RYR3: variants seen among roughly 807,000 people sequenced by gnomAD.
RYR3 encodes the protein brain ryanodine receptor-calcium release channel.
RYR3 carries 207 observed loss-of-function variants against 584.3 expected under a neutral mutation model. The ratio of observed to expected loss-of-function variants is 0.35; its 90% CI spans 0.32 to 0.40. The LOEUF (loss-of-function observed/expected upper bound fraction) is 0.40, where lower values mean the gene tolerates loss of function less well. Ranked by LOEUF, RYR3 falls within the 10% of genes least tolerant of loss-of-function variation. RYR3 has a pLI of 1.00. For missense variants in RYR3, 5,616 were observed against 6,089.2 expected, an observed-to-expected ratio of 0.92 and a Z score of 2.59; for synonymous variants, 2,416 against 2,248.5, an observed-to-expected ratio of 1.07 and a Z score of -2.11.
chr15:33,373,149 T>C (rs2040468234), intron 1 of RYR3, among the ~76,000 whole-genome samples: 1 of 152,228 alleles, frequency 6.6e-6, no homozygotes, highest in Admixed American at 6.5e-5. Context: ...CTTCTTCCTA[T>C]TCTCATTTGA....
intron 5 of RYR3, among the ~76,000 whole-genome samples, chr15:33,536,647 C>T (rs2055354222): frequency 2.3e-5 from 1 of 43,366 alleles, no homozygotes; most frequent in Non-Finnish European, 4.4e-5. Flanking sequence ...TCTCAGAGAA[C>T]ATTAAAGATG....
At chr15:33,841,766 C>T (rs565942693) in intron 90 of RYR3, 98 bp from the exon 91 acceptor site, 55 of 1,236,568 alleles carry the variant, frequency 4.4e-5, no homozygotes, top group African/African-American at 1.1e-4. Context: ...TTCTACCTCC[C>T]GGCCCTCTCA....
intron 64 of RYR3, among the ~76,000 whole-genome samples, chr15:33,778,133 G>A (rs1406436921): frequency 1.3e-5 from 2 of 151,724 alleles, no homozygotes; most frequent in African/African-American, 4.8e-5. Context: ...TCGCACCACT[G>A]TACTCCAGCC....
chr15:33,418,482 T>C (rs2043989599), intron 1 of RYR3, among the ~76,000 whole-genome samples: 1 of 151,676 alleles, frequency 6.6e-6, no homozygotes, highest in South Asian at 2.1e-4. Context: ...GGGAAGATGG[T>C]GAGAAATGGA....
At chr15:33,601,653 A>G (rs1249211821) in intron 17 of RYR3, 101 bp downstream of exon 17, 9 of 1,281,028 alleles carry the variant, frequency 7.0e-6, no homozygotes, top group African/African-American at 1.5e-5. Context: ...TTGCCCACCC[A>G]TTGTTTCCAT....
chr15:33,562,733 C>A, intron 10 of RYR3, 104 bp from the exon 11 acceptor site: 1 of 748,454 alleles, frequency 1.3e-6, no homozygotes, highest in South Asian at 1.8e-5. Flanking sequence ...TTTTGGTAAC[C>A]AGTTGCCTGG....
chr15:33,789,322 T>C (rs974342968), intron 67 of RYR3, among the ~76,000 whole-genome samples: 1 of 151,832 alleles, frequency 6.6e-6, no homozygotes, highest in Non-Finnish European at 1.5e-5. Context: ...TCTGATTCAC[T>C]CTTTGAGCAC....
intron 65 of RYR3, among the ~76,000 whole-genome samples, chr15:33,783,364 A>G (rs1333937844): frequency 5.9e-5 from 9 of 152,258 alleles, no homozygotes; most frequent in Non-Finnish European, 1.3e-4. Flanking sequence ...TGATTCTAAG[A>G]GGACACAGCT....
In RYR3 at chr15:33,826,695, G is replaced by A. The variant is rs763084437; in HGVS notation, c.11188G>A (p.Glu3730Lys). 1.4e-5 allele frequency: 22 copies of A among 1,613,814 alleles called. No homozygotes were observed. The highest frequency in any genetic ancestry group is 3.3e-4 in the Middle Eastern group (2 of 6,084). Residue 3730 changes from glutamate (E) to lysine (K), a missense_variant, in exon 84 of 104, where the codon GAG becomes AAG. Physicochemically the swap from Glu to Lys is moderately conservative, Grantham distance 56. Transcript: ENST00000634891. Reference sequence around the variant, plus strand: ...AGGTGAAAAAGTACTCCAGAATGACGAGTTCACGCGTGATCTCTTTAGATT... The same window carrying A: ...AGGTGAAAAAGTACTCCAGAATGACAAGTTCACGCGTGATCTCTTTAGATT... ...ERGEKVLQND[E>K]FTRDLFRFLQ...
intron 2 of RYR3, among the ~76,000 whole-genome samples, chr15:33,498,108 T>A (rs1459406117): frequency 2.6e-5 from 4 of 152,200 alleles, no homozygotes; most frequent in Admixed American, 1.3e-4. Flanking sequence ...TTTATCCATT[T>A]ATTTGTTGAT....
intron 42 of RYR3, among the ~76,000 whole-genome samples, chr15:33,706,164 GTTCT>G (rs929584786): frequency 1.3e-5 from 2 of 151,950 alleles, no homozygotes; most frequent in Middle Eastern, 3.2e-3. Context: ...AACTTGAGCA[GTTCT>G]TTCTTTGTTT....
intron 12 of RYR3, among the ~76,000 whole-genome samples, chr15:33,570,759 G>T (rs906285520): frequency 2.0e-5 from 3 of 151,958 alleles, no homozygotes; most frequent in Non-Finnish European, 2.9e-5. Flanking sequence ...AGATATTGTG[G>T]TTTTTATTAT....
At chr15:33,339,117 A>G (rs1242984477) in intron 1 of RYR3, among the ~76,000 whole-genome samples, 3 of 152,216 alleles carry the variant, frequency 2.0e-5, no homozygotes, top group African/African-American at 7.2e-5. Context: ...ACACAAAGGA[A>G]AAAGCGGACA....
intron 12 of RYR3, among the ~76,000 whole-genome samples, chr15:33,568,983 A>G (rs2057868957): frequency 1.3e-5 from 2 of 152,132 alleles, no homozygotes; most frequent in East Asian, 1.9e-4. Flanking sequence ...AAGTTTATTC[A>G]TTTGTTTCCT....
At chr15:33,377,374 G>T (rs542117167) in intron 1 of RYR3, among the ~76,000 whole-genome samples, 1 of 152,268 alleles carries the variant, frequency 6.6e-6, no homozygotes, top group South Asian at 2.1e-4. Context: ...ACATGGATGG[G>T]GAAGAAGACA....
At chr15:33,746,870 G>A (rs1449878888) in intron 53 of RYR3, among the ~76,000 whole-genome samples, 1 of 146,042 alleles carries the variant, frequency 6.8e-6, no homozygotes, top group Admixed American at 6.9e-5. Flanking sequence ...GTGTAGTGGT[G>A]TGATCTCGGC....
At chr15:33,779,924 T>A (rs548349876) in intron 64 of RYR3, among the ~76,000 whole-genome samples, 1 of 152,018 alleles carries the variant, frequency 6.6e-6, no homozygotes, top group East Asian at 1.9e-4. Flanking sequence ...GGCAGGAGAA[T>A]GGCGTGAACC....
intron 16 of RYR3, among the ~76,000 whole-genome samples, chr15:33,589,355 A>C (rs1292881207): frequency 6.6e-6 from 1 of 152,152 alleles, no homozygotes; most frequent in Non-Finnish European, 1.5e-5. Flanking sequence ...AATTCTGGGT[A>C]TTAGTCCTTT....
intron 67 of RYR3, among the ~76,000 whole-genome samples, chr15:33,796,109 T>TTTTTG (rs1041299694): frequency 3.3e-5 from 5 of 151,492 alleles, no homozygotes; most frequent in Admixed American, 1.3e-4. Flanking sequence ...CATTTGTCGT[T>TTTTTG]TTTTGTTTTG....
Sources: allele counts gnomAD v4.1 joint callset (sites outside exome capture counted in the v4.1 genomes callset), GRCh38; gene constraint gnomAD v4.1.1; transcripts MANE v1.5; gene names NCBI Gene and HGNC (gene_info 2026-07-23, HGNC 2026-07-21).